UACA: variants seen among roughly 807,000 people sequenced by gnomAD.
The protein encoded by UACA is uveal autoantigen with coiled-coil domains and ankyrin repeats.
In UACA, 112 loss-of-function variants were observed where a neutral mutation model predicts 160.5. The observed-to-expected ratio is 0.70, with a 90% CI of 0.60 to 0.82. The LOEUF (loss-of-function observed/expected upper bound fraction) is 0.82, where lower values mean the gene tolerates loss of function less well. Ranked by LOEUF, UACA falls within the 40% of genes least tolerant of loss-of-function variation. The pLI, the probability that UACA is intolerant of heterozygous loss-of-function variation, is 0.00. For synonymous variants in UACA, 557 were observed against 568.4 expected (o/e 0.98, Z 0.29); for missense variants, 1,574 against 1,614.6 (o/e 0.97, Z 0.43).
intron 1 of UACA, among the ~76,000 whole-genome samples, chr15:70,714,892 C>A (rs1898781836): frequency 6.6e-6 from 1 of 152,182 alleles, no homozygotes; most frequent in Non-Finnish European, 1.5e-5. Flanking sequence ...TAACAGTTAT[C>A]ATTTGTACTG....
chr15:70,682,722 T>C (rs1301557327), intron 9 of UACA, 36 bp downstream of exon 9: 4 of 1,362,534 alleles, frequency 2.9e-6, no homozygotes, highest in Non-Finnish European at 3.0e-6. Flanking sequence ...AACTATACAA[T>C]ACATATAATT....
intron 1 of UACA, among the ~76,000 whole-genome samples, chr15:70,761,160 T>C (rs909399449): frequency 1.3e-5 from 2 of 152,116 alleles, no homozygotes; most frequent in East Asian, 1.9e-4. Context: ...GCAGCTACAG[T>C]GTGCTAGCAT....
At position 70,658,228 on chromosome 15, in the gene UACA, ATTATT is replaced by A. The variant is rs541314376; in HGVS notation, c.4180-1106_4180-1102del. Among the ~76,000 whole-genome samples the A allele has an allele frequency of 1.5e-3, 235 of 152,356 alleles. 1 individual carries two copies. The highest frequency in any genetic ancestry group is 5.4e-3 in the African/African-American group (224 of 41,578). ...AGAAATCTTTCCCTTGAGCTACCCA[ATTATT>A]TTAAATTATTGTATAATATCCACTG... On this transcript the variant is annotated intron_variant, in intron 18 of 18. Coordinates refer to ENST00000322954, the MANE Select transcript of UACA (RefSeq NM_018003.4).
chr15:70,700,340 CAT>C (rs1491325116), intron 1 of UACA, among the ~76,000 whole-genome samples: 5 of 127,894 alleles, frequency 3.9e-5, no homozygotes, highest in Admixed American at 2.2e-4. Context: ...CACACACACA[CAT>C]TCTATACAGA....
chr15:70,749,869 CA>C (rs1367714884), intron 1 of UACA, among the ~76,000 whole-genome samples: 3 of 151,632 alleles, frequency 2.0e-5, no homozygotes, highest in Non-Finnish European at 2.9e-5. Flanking sequence ...ATGTGCACTT[CA>C]AAAAAAATAA....
At chr15:70,715,575 T>C (rs1304967959) in intron 1 of UACA, among the ~76,000 whole-genome samples, 1 of 152,076 alleles carries the variant, frequency 6.6e-6, no homozygotes, top group African/African-American at 2.4e-5. Context: ...AAGCAGAGGG[T>C]TACAGGAAAG....
intron 13 of UACA, 72 bp from the exon 14 acceptor site, chr15:70,672,073 C>T (rs929504033): frequency 2.1e-6 from 3 of 1,398,112 alleles, no homozygotes; most frequent in Non-Finnish European, 2.9e-6. Context: ...TCTATTTTAG[C>T]TCTAAATCAT....
Position 70,695,121 on chromosome 15 carries a change from ATATT to A in UACA, c.213-20_213-17del. 1.3e-6 allele frequency: 2 copies of A among 1,566,466 alleles called. No homozygotes were observed. The highest frequency in any genetic ancestry group is 2.4e-5 in the South Asian group (2 of 83,912). Reference sequence around the variant, plus strand: ...AACATGGAAGCTAAACAAAAAAAAAATATTTGTTGTGCTAAGGAAACAACCAAAG... The same window carrying A: ...AACATGGAAGCTAAACAAAAAAAAAATGTTGTGCTAAGGAAACAACCAAAG... On this transcript the variant is annotated splice_polypyrimidine_tract_variant and intron_variant, in intron 2 of 18. Coordinates refer to ENST00000322954, the MANE Select transcript of UACA (RefSeq NM_018003.4).
chr15:70,693,950 T>C (rs1274165978), intron 3 of UACA, among the ~76,000 whole-genome samples: 2 of 152,192 alleles, frequency 1.3e-5, no homozygotes, highest in Non-Finnish European at 2.9e-5. Flanking sequence ...TAGAATCTGA[T>C]GTATTCTTAA....
intron 1 of UACA, among the ~76,000 whole-genome samples, chr15:70,727,292 T>C (rs1899174877): frequency 6.6e-6 from 1 of 152,214 alleles, no homozygotes; most frequent in Non-Finnish European, 1.5e-5. Context: ...GAAAAATTTA[T>C]AATTAATGCA....
rs760320320 is a variant in UACA, at chr15:70,699,629, C to T, written c.110G>A (p.Arg37Gln). The change falls in exon 2 of 19, where the codon CGA becomes CAA. Residue 37 changes from arginine (R) to glutamine (Q), a missense_variant. Transcript: ENST00000322954. Reference protein sequence around the residue: ...HAADWNKYDDRLMKAAERGDV... With the variant: ...HAADWNKYDDQLMKAAERGDV... ...CCCCCTTTCTGCTGCTTTCATCAAT[C>T]GGTCATCATATTTATTCCAATCTGC... 5.6e-6 allele frequency: 9 copies of T among 1,609,310 alleles called. No individual in the cohort carries two copies. Among genetic ancestry groups the T allele is most frequent in the South Asian group, 2.2e-5 (2 of 90,760 alleles).
chr15:70,713,185 ACTAAAAATAC>A (rs1898734194), intron 1 of UACA, among the ~76,000 whole-genome samples: 1 of 152,148 alleles, frequency 6.6e-6, no homozygotes, highest in African/African-American at 2.4e-5. Flanking sequence ...AGTAGTCTCT[ACTAAAAATAC>A]AAAAAATTAG....
In UACA at chr15:70,736,472, C is replaced by A. The variant is rs1899370179; in HGVS notation, c.78+26858G>T. Among the ~76,000 whole-genome samples the A allele has an allele frequency of 2.0e-5, 3 of 152,148 alleles. No individual in the cohort carries two copies. The South Asian group carries it at 6.2e-4, about 32-fold the overall frequency. On this transcript the variant is annotated intron_variant, in intron 1 of 18. Coordinates refer to ENST00000322954, the MANE Select transcript of UACA (RefSeq NM_018003.4). The stretch of plus-strand genomic sequence containing the variant: ...GGGGGTGGGATGGAGTCTCACTCTG[C>A]CGCCCAGGCTAGAGTACAGCCGCAC...
At chr15:70,748,343 C>T (rs1899775101) in intron 1 of UACA, among the ~76,000 whole-genome samples, 1 of 152,188 alleles carries the variant, frequency 6.6e-6, no homozygotes, top group Non-Finnish European at 1.5e-5. Flanking sequence ...ACGTGACCCT[C>T]CTGCTGGCAC....
chr15:70,670,241 A>C (rs1897090414), intron 15 of UACA, among the ~76,000 whole-genome samples: 1 of 152,126 alleles, frequency 6.6e-6, no homozygotes, highest in Non-Finnish European at 1.5e-5. Flanking sequence ...GGTAAAGGAA[A>C]ATAGCCCCTA....
At chr15:70,746,339 C>A (rs1899707058) in intron 1 of UACA, among the ~76,000 whole-genome samples, 1 of 152,146 alleles carries the variant, frequency 6.6e-6, no homozygotes, top group Non-Finnish European at 1.5e-5. Flanking sequence ...AGAACAGACA[C>A]TTTTCAAAAG....
chr15:70,759,276 CAATT>C (rs1289249161), intron 1 of UACA, among the ~76,000 whole-genome samples: 1 of 152,190 alleles, frequency 6.6e-6, no homozygotes, highest in Non-Finnish European at 1.5e-5. Flanking sequence ...ACTGAACACA[CAATT>C]AACCAGATCT....
In UACA at chr15:70,691,370, A is replaced by G; in HGVS notation, c.302-7T>C. 1.3e-6 allele frequency: 2 copies of G among 1,588,254 alleles called. No homozygotes were observed. The highest frequency in any genetic ancestry group is 1.7e-6 in the Non-Finnish European group (2 of 1,161,144). On this transcript the variant is annotated splice_polypyrimidine_tract_variant and splice_region_variant and intron_variant, in intron 3 of 18. Transcript: ENST00000322954. ...AGGTGAAGAGCATTTCTCCCTATAAATAATTTAAGATACATGTGAAGGATT... is the reference window on the plus strand; with the variant it reads ...AGGTGAAGAGCATTTCTCCCTATAAGTAATTTAAGATACATGTGAAGGATT...
intron 1 of UACA, among the ~76,000 whole-genome samples, chr15:70,753,806 AT>A (rs144626178): frequency 2.0e-5 from 3 of 151,968 alleles, no homozygotes; most frequent in East Asian, 1.9e-4. Context: ...ATTACTTATA[AT>A]TTTTTTTGTT....
Sources: gnomAD v4.1 joint callset for allele counts (sites outside exome capture counted in the v4.1 genomes callset) on GRCh38, gnomAD v4.1.1 for gene constraint, MANE v1.5 for transcripts, NCBI Gene and HGNC (gene_info 2026-07-23, HGNC 2026-07-21) for gene names.